Variants in PNMA6A observed in about 807,000 individuals in gnomAD.
PNMA6A encodes the protein paraneoplastic antigen-like protein 6A.
For synonymous variants in PNMA6A, 2 were observed against 49.3 expected (o/e 0.04, Z 4.02); for missense variants, 8 against 103.5 (o/e 0.08, Z 4.00).
In PNMA6A at chrX:153,074,433, A is replaced by G; in HGVS notation, c.*171A>G. Reference sequence around the variant, plus strand: ...GGATCGGGGCCCCCCACTTCCCCCCAAGGGGCCCTGCCCACCACCACCTTC... The same window carrying G: ...GGATCGGGGCCCCCCACTTCCCCCCGAGGGGCCCTGCCCACCACCACCTTC... On this transcript the variant is annotated 3_prime_UTR_variant, in exon 2 of 2. Transcript: ENST00000421798. The G allele has an allele frequency of 1.8e-6, 1 of 545,267 alleles. No individual in the cohort carries two copies. Among genetic ancestry groups the G allele is most frequent in the Non-Finnish European group, 2.9e-6 (1 of 339,526 alleles). 44.9% of individuals were successfully genotyped at this position (545,267 alleles called of 1,213,427 possible).
chrX:153,074,490 A>C lies in PNMA6A; in HGVS notation c.*228A>C. 1.2e-4 allele frequency: 48 copies of C among 397,718 alleles called. No homozygotes were observed. The highest frequency in any genetic ancestry group is 2.8e-4 in the East Asian group (6 of 21,474). The allele number at this position is 397,718 out of a possible 1,213,427, so 32.8% of individuals were successfully genotyped here. ...ACCCAGATGACCACATTTAATACCA[A>C]ATGGGGTGGGGGGAGGCGCCCCTCC... On this transcript the variant is annotated 3_prime_UTR_variant, in exon 2 of 2. Transcript: ENST00000421798.
rs112035433 is a variant in PNMA6A, at chrX:153,074,603, C to T, written c.*341C>T. The T allele has an allele frequency of 0.019, 4,800 of 253,282 alleles. 209 individuals carry two copies. The highest frequency in any genetic ancestry group is 0.13 in the African/African-American group (4,421 of 35,159). The allele number at this position is 253,282 out of a possible 1,213,427, so 20.9% of individuals were successfully genotyped here. ...ATCGTGAGCACCACCTCTGCTTTCC[C>T]TGCGTAGATCTAGGCCAGGGGCTGC... On this transcript the variant is annotated 3_prime_UTR_variant, in exon 2 of 2. Coordinates refer to ENST00000421798, the MANE Select transcript of PNMA6A (RefSeq NM_032882.6).
Position 153,074,377 on chromosome X carries a change from G to C in PNMA6A, c.*115G>C, listed in dbSNP as rs1556934082. ...CAGGGCCCTGGAGACAGGCGGAGGC[G>C]GGGCCAGGGCCGGTCCCTCACCCCA... On this transcript the variant is annotated 3_prime_UTR_variant, in exon 2 of 2. Coordinates refer to ENST00000421798, the MANE Select transcript of PNMA6A (RefSeq NM_032882.6). The C allele has an allele frequency of 0.063, 53,684 of 857,024 alleles. 2,027 individuals are homozygous for C. Among genetic ancestry groups the C allele is most frequent in the Non-Finnish European group, 0.068 (41,965 of 617,606 alleles). The allele number at this position is 857,024 out of a possible 1,213,427, so 70.6% of individuals were successfully genotyped here.
At position 153,074,756 on chromosome X, in the gene PNMA6A, G is replaced by A; in HGVS notation, c.*494G>A. ...GGACACTCATCCCGTGACAGCGATG[G>A]TGACCATGACTGTGGGAGAAAGAAC... is the stretch of plus-strand genomic sequence containing the variant. On this transcript the variant is annotated 3_prime_UTR_variant, in exon 2 of 2. Transcript: ENST00000421798. 1 of 140,464 alleles carries A rather than the reference G, an allele frequency of 7.1e-6. No homozygotes were observed. The highest frequency in any genetic ancestry group is 2.4e-4 in the South Asian group (1 of 4,210). 11.6% of individuals were successfully genotyped at this position (140,464 alleles called of 1,213,427 possible).
rs1038186736 is a variant in PNMA6A, at chrX:153,074,422, C to T, written c.*160C>T. 2 of 604,950 alleles carry T rather than the reference C, an allele frequency of 3.3e-6. No individual in the cohort carries two copies. The highest frequency in any genetic ancestry group is 5.1e-6 in the Non-Finnish European group (2 of 393,377). The allele number at this position is 604,950 out of a possible 1,213,427, so 49.9% of individuals were successfully genotyped here. A position where few individuals can be genotyped will look rare whatever the true frequency, so the allele number is the denominator to read the frequency against. The stretch of plus-strand genomic sequence containing the variant: ...ACCCCACATCGGGATCGGGGCCCCC[C>T]ACTTCCCCCCAAGGGGCCCTGCCCA... On this transcript the variant is annotated 3_prime_UTR_variant, in exon 2 of 2. Transcript: ENST00000421798.
Position 153,074,573 on chromosome X carries a change from C to G in PNMA6A, c.*311C>G. On this transcript the variant is annotated 3_prime_UTR_variant, in exon 2 of 2. Coordinates refer to ENST00000421798, the MANE Select transcript of PNMA6A (RefSeq NM_032882.6). ...GAGCCCAGGTTGTGCTCACTGCTCT[C>G]CCGTATCGTGAGCACCACCTCTGCT... 2 of 313,424 alleles carry G rather than the reference C, an allele frequency of 6.4e-6. No individual in the cohort carries two copies. The highest frequency in any genetic ancestry group is 1.2e-5 in the Non-Finnish European group (2 of 171,576). 25.8% of individuals were successfully genotyped at this position (313,424 alleles called of 1,213,427 possible). A position where few individuals can be genotyped will look rare whatever the true frequency, so the allele number is the denominator to read the frequency against.
In PNMA6A at chrX:153,074,606, C is replaced by A. The variant is rs1038724033; in HGVS notation, c.*344C>A. On this transcript the variant is annotated 3_prime_UTR_variant, in exon 2 of 2. Transcript: ENST00000421798. ...GTGAGCACCACCTCTGCTTTCCCTG[C>A]GTAGATCTAGGCCAGGGGCTGCTTG... The A allele has an allele frequency of 1.6e-5, 4 of 249,426 alleles. No individual in the cohort carries two copies. The highest frequency in any genetic ancestry group is 3.0e-5 in the Non-Finnish European group (4 of 133,680). The allele number at this position is 249,426 out of a possible 1,213,427, so 20.6% of individuals were successfully genotyped here. A position where few individuals can be genotyped will look rare whatever the true frequency, so the allele number is the denominator to read the frequency against.
rs2051219402 is a variant in PNMA6A, at chrX:153,074,435, G to C, written c.*173G>C. The stretch of plus-strand genomic sequence containing the variant: ...ATCGGGGCCCCCCACTTCCCCCCAA[G>C]GGGCCCTGCCCACCACCACCTTCCC... On this transcript the variant is annotated 3_prime_UTR_variant, in exon 2 of 2. Transcript: ENST00000421798. The C allele has an allele frequency of 3.7e-6, 2 of 546,030 alleles. No homozygotes were observed. The highest frequency in any genetic ancestry group is 5.9e-6 in the Non-Finnish European group (2 of 339,591). 45.0% of individuals were successfully genotyped at this position (546,030 alleles called of 1,213,427 possible). A position where few individuals can be genotyped will look rare whatever the true frequency, so the allele number is the denominator to read the frequency against.
At position 153,074,815 on chromosome X, in the gene PNMA6A, C is replaced by T; in HGVS notation, c.*553C>T. 7.7e-6 allele frequency: 1 copy of T among 129,209 alleles called. No individual in the cohort carries two copies. The highest frequency in any genetic ancestry group is 1.8e-5 in the Non-Finnish European group (1 of 56,346). 10.6% of individuals were successfully genotyped at this position (129,209 alleles called of 1,213,427 possible). A position where few individuals can be genotyped will look rare whatever the true frequency, so the allele number is the denominator to read the frequency against. ...GGATGGAGTGGGGCTGTCTGAGTTT[C>T]CCCAGTGAACTTTGTGCTTTGGCGT... On this transcript the variant is annotated 3_prime_UTR_variant, in exon 2 of 2. Transcript: ENST00000421798.
Position 153,073,762 on chromosome X carries a change from GACA to G in PNMA6A, c.703_705del (p.Asn235del), listed in dbSNP as rs1263064430. On this transcript the variant is annotated inframe_deletion, in exon 2 of 2. Coordinates refer to ENST00000421798, the MANE Select transcript of PNMA6A (RefSeq NM_032882.6). ...GGCGGCCCTGGCCCAGGTGTTTGGAGACAACGAGTCCCAGGCGACCATCCGGGT... is the reference window on the plus strand; with the variant it reads ...GGCGGCCCTGGCCCAGGTGTTTGGAGACGAGTCCCAGGCGACCATCCGGGT... 4.6e-5 allele frequency: 17 copies of G among 368,686 alleles called. No homozygotes were observed. Among genetic ancestry groups the G allele is most frequent in the African/African-American group, 4.4e-4 (13 of 29,575 alleles). 30.4% of individuals were successfully genotyped at this position (368,686 alleles called of 1,213,427 possible).
Position 153,074,355 on chromosome X carries a change from G to C in PNMA6A, c.*93G>C. 1 of 821,691 alleles carries C rather than the reference G, an allele frequency of 1.2e-6. No homozygotes were observed. The highest frequency in any genetic ancestry group is 2.0e-5 in the African/African-American group (1 of 51,255). The allele number at this position is 821,691 out of a possible 1,213,427, so 67.7% of individuals were successfully genotyped here. A position where few individuals can be genotyped will look rare whatever the true frequency, so the allele number is the denominator to read the frequency against. On this transcript the variant is annotated 3_prime_UTR_variant, in exon 2 of 2. Coordinates refer to ENST00000421798, the MANE Select transcript of PNMA6A (RefSeq NM_032882.6). ...CTCCTCTCCTCCTCTCAGGCAGCAG[G>C]GCCCTGGAGACAGGCGGAGGCGGGG...
Position 153,074,337 on chromosome X carries a change from C to G in PNMA6A, c.*75C>G, listed in dbSNP as rs1444689931. On this transcript the variant is annotated 3_prime_UTR_variant, in exon 2 of 2. Transcript: ENST00000421798. ...CTCCGAGGGCCCCGGGGCCTCCTCT[C>G]CTCCTCTCAGGCAGCAGGGCCCTGG... 171 of 616,900 alleles carry G rather than the reference C, an allele frequency of 2.8e-4. 2 individuals carry two copies. The highest frequency in any genetic ancestry group is 1.8e-4 in the Non-Finnish European group (70 of 398,774). 50.8% of individuals were successfully genotyped at this position (616,900 alleles called of 1,213,427 possible).
In PNMA6A at chrX:153,074,353, A is replaced by G. The variant is rs1330835665; in HGVS notation, c.*91A>G. 19 of 805,974 alleles carry G rather than the reference A, an allele frequency of 2.4e-5. No homozygotes were observed. The highest frequency in any genetic ancestry group is 3.3e-5 in the Non-Finnish European group (19 of 569,409). 66.4% of individuals were successfully genotyped at this position (805,974 alleles called of 1,213,427 possible). ...GCCTCCTCTCCTCCTCTCAGGCAGC[A>G]GGGCCCTGGAGACAGGCGGAGGCGG... On this transcript the variant is annotated 3_prime_UTR_variant, in exon 2 of 2. Coordinates refer to ENST00000421798, the MANE Select transcript of PNMA6A (RefSeq NM_032882.6).
At chrX:153,072,705 CGGTCCGG>C in intron 1 of PNMA6A, 99 bp downstream of exon 1, 6 of 3,783 alleles carry the variant, frequency 1.6e-3, no homozygotes, top group African/African-American at 0.083. Flanking sequence ...TGCGGGGCAG[CGGTCCGG>C]GGTCCGGGGT....
Position 153,074,529 on chromosome X carries a change from C to G in PNMA6A, c.*267C>G. Reference sequence around the variant, plus strand: ...AGGCGCCCCTCCAGTGCCAGGGGCACGTGCTGTGAGCTTCCTGGGAGCCCA... The same window carrying G: ...AGGCGCCCCTCCAGTGCCAGGGGCAGGTGCTGTGAGCTTCCTGGGAGCCCA... On this transcript the variant is annotated 3_prime_UTR_variant, in exon 2 of 2. Transcript: ENST00000421798. 2.6e-6 allele frequency: 1 copy of G among 383,244 alleles called. No homozygotes were observed. Among genetic ancestry groups the G allele is most frequent in the Non-Finnish European group, 4.7e-6 (1 of 212,513 alleles). 31.6% of individuals were successfully genotyped at this position (383,244 alleles called of 1,213,427 possible).
chrX:153,074,531 T>A lies in PNMA6A; in HGVS notation c.*269T>A. The A allele has an allele frequency of 2.7e-6, 1 of 376,557 alleles. No homozygotes were observed. Among genetic ancestry groups the A allele is most frequent in the Non-Finnish European group, 4.8e-6 (1 of 208,115 alleles). The allele number at this position is 376,557 out of a possible 1,213,427, so 31.0% of individuals were successfully genotyped here. ...GCGCCCCTCCAGTGCCAGGGGCACGTGCTGTGAGCTTCCTGGGAGCCCAGG... is the reference window on the plus strand; with the variant it reads ...GCGCCCCTCCAGTGCCAGGGGCACGAGCTGTGAGCTTCCTGGGAGCCCAGG... On this transcript the variant is annotated 3_prime_UTR_variant, in exon 2 of 2. Transcript: ENST00000421798.
rs1423553881 is a variant in PNMA6A, at chrX:153,074,370, C to T, written c.*108C>T. Reference sequence around the variant, plus strand: ...CAGGCAGCAGGGCCCTGGAGACAGGCGGAGGCGGGGCCAGGGCCGGTCCCT... The same window carrying T: ...CAGGCAGCAGGGCCCTGGAGACAGGTGGAGGCGGGGCCAGGGCCGGTCCCT... On this transcript the variant is annotated 3_prime_UTR_variant, in exon 2 of 2. Transcript: ENST00000421798. 6.8e-4 allele frequency: 599 copies of T among 882,110 alleles called. No homozygotes were observed. In the East Asian group the frequency reaches 0.019, roughly 28 times the overall value. The allele number at this position is 882,110 out of a possible 1,213,427, so 72.7% of individuals were successfully genotyped here. A position where few individuals can be genotyped will look rare whatever the true frequency, so the allele number is the denominator to read the frequency against.
In PNMA6A at chrX:153,074,526, G is replaced by T. The variant is rs2051219960; in HGVS notation, c.*264G>T. 7 of 387,459 alleles carry T rather than the reference G, an allele frequency of 1.8e-5. No homozygotes were observed. The highest frequency in any genetic ancestry group is 3.2e-5 in the Non-Finnish European group (7 of 215,623). The allele number at this position is 387,459 out of a possible 1,213,427, so 31.9% of individuals were successfully genotyped here. A position where few individuals can be genotyped will look rare whatever the true frequency, so the allele number is the denominator to read the frequency against. On this transcript the variant is annotated 3_prime_UTR_variant, in exon 2 of 2. Coordinates refer to ENST00000421798, the MANE Select transcript of PNMA6A (RefSeq NM_032882.6). ...GGGAGGCGCCCCTCCAGTGCCAGGGGCACGTGCTGTGAGCTTCCTGGGAGC... is the reference window on the plus strand; with the variant it reads ...GGGAGGCGCCCCTCCAGTGCCAGGGTCACGTGCTGTGAGCTTCCTGGGAGC...
At position 153,074,484 on chromosome X, in the gene PNMA6A, A is replaced by C; in HGVS notation, c.*222A>C. On this transcript the variant is annotated 3_prime_UTR_variant, in exon 2 of 2. Transcript: ENST00000421798. ...CCGGTGACCCAGATGACCACATTTA[A>C]TACCAAATGGGGTGGGGGGAGGCGC... 2 of 438,559 alleles carry C rather than the reference A, an allele frequency of 4.6e-6. No homozygotes were observed. Among genetic ancestry groups the C allele is most frequent in the Non-Finnish European group, 4.0e-6 (1 of 248,999 alleles). The allele number at this position is 438,559 out of a possible 1,213,427, so 36.1% of individuals were successfully genotyped here.
Sources: allele counts gnomAD v4.1 joint callset, GRCh38; gene constraint gnomAD v4.1.1; transcripts MANE v1.5; gene names NCBI Gene and HGNC (gene_info 2026-07-23, HGNC 2026-07-21).